The following GLRA3 variants were observed in gnomAD, a reference collection of about 807,000 sequenced individuals.
GLRA3 encodes glycine receptor subunit alpha-3.
In GLRA3, 44 loss-of-function variants were observed where a neutral mutation model predicts 60.4. The observed-to-expected ratio is 0.73, with a 90% CI of 0.57 to 0.94. The LOEUF (loss-of-function observed/expected upper bound fraction) is 0.94. GLRA3 is among the 40% of genes least tolerant of loss of function. The pLI, the probability that GLRA3 is intolerant of heterozygous loss-of-function variation, is 0.00. For synonymous variants in GLRA3, 223 were observed against 192.9 expected, an observed-to-expected ratio of 1.16 and a Z score of -1.29; for missense variants, 508 against 564.6, an observed-to-expected ratio of 0.90 and a Z score of 1.02.
chr4:174,662,830 T>C (rs1363961654), intron 7 of GLRA3, among the ~76,000 whole-genome samples: 2 of 133,598 alleles, frequency 1.5e-5, no homozygotes, highest in African/African-American at 5.1e-5. Context: ...CTTGTTTTTT[T>C]TTTTTTCTTT....
chr4:174,714,740 T>C (rs903651770), intron 5 of GLRA3, among the ~76,000 whole-genome samples: 3 of 152,220 alleles, frequency 2.0e-5, no homozygotes, highest in Admixed American at 2.0e-4. Context: ...TATTGCATAT[T>C]GCTTAATTTT....
rs72998791 is a variant in GLRA3, at chr4:174,665,446, T to C, written c.928-6249A>G. Among the ~76,000 whole-genome samples the C allele has an allele frequency of 1.8e-3, 280 of 152,190 alleles. 3 individuals carry two copies. Among genetic ancestry groups the C allele is most frequent in the African/African-American group, 6.4e-3 (266 of 41,536 alleles). On this transcript the variant is annotated intron_variant, in intron 7 of 9. Transcript: ENST00000274093. ...ACAATAATTATATTTATTTTTGTGG[T>C]AGATCCTGTAAGATGTCTGCTGGCT...
chr4:174,817,965 T>C (rs1013186270), intron 1 of GLRA3, among the ~76,000 whole-genome samples: 9 of 152,204 alleles, frequency 5.9e-5, no homozygotes, highest in Non-Finnish European at 2.9e-5. Context: ...GTATATATTT[T>C]CTGCTAAAGA....
At chr4:174,723,908 A>G (rs1736220361) in intron 4 of GLRA3, among the ~76,000 whole-genome samples, 2 of 151,936 alleles carry the variant, frequency 1.3e-5, no homozygotes, top group South Asian at 4.1e-4. Context: ...AATTACATAT[A>G]GCAAAATGTA....
At chr4:174,661,433 T>C (rs1035239807) in intron 7 of GLRA3, among the ~76,000 whole-genome samples, 1 of 152,188 alleles carries the variant, frequency 6.6e-6, no homozygotes, top group African/African-American at 2.4e-5. Flanking sequence ...CTGCCAACCA[T>C]ATTTTCAGCC....
At chr4:174,729,919 G>A (rs1165103028) in intron 3 of GLRA3, among the ~76,000 whole-genome samples, 1 of 152,114 alleles carries the variant, frequency 6.6e-6, no homozygotes, top group Non-Finnish European at 1.5e-5. Context: ...TATCAGAACA[G>A]GTAGATTGCT....
At chr4:174,671,830 T>C (rs1228826303) in intron 7 of GLRA3, among the ~76,000 whole-genome samples, 1 of 152,014 alleles carries the variant, frequency 6.6e-6, no homozygotes, top group African/African-American at 2.4e-5. Context: ...TTGTATTTTT[T>C]AGTAGAGACG....
intron 7 of GLRA3, among the ~76,000 whole-genome samples, chr4:174,666,761 A>ATAT (rs1561042409): frequency 5.3e-4 from 38 of 72,362 alleles, no homozygotes; most frequent in Non-Finnish European, 6.5e-4. Flanking sequence ...TATATATATT[A>ATAT]TATATATATA....
intron 2 of GLRA3, among the ~76,000 whole-genome samples, chr4:174,774,253 T>C (rs6838215): frequency 0.29 from 43,758 of 152,084 alleles, 6,756 homozygotes; most frequent in Non-Finnish European, 0.35. Flanking sequence ...AGTTAAAATA[T>C]GGAAACTTAG....
intron 9 of GLRA3, among the ~76,000 whole-genome samples, chr4:174,645,265 A>G (rs1383378358): frequency 6.6e-6 from 1 of 151,732 alleles, no homozygotes; most frequent in Non-Finnish European, 1.5e-5. Flanking sequence ...TACAAAAATT[A>G]GCTGGGTGTG....
chr4:174,745,588 A>G (rs1343297362), intron 3 of GLRA3, among the ~76,000 whole-genome samples: 1 of 152,180 alleles, frequency 6.6e-6, no homozygotes, highest in Non-Finnish European at 1.5e-5. Context: ...CAAAGATTTT[A>G]TGGCTAAAAC....
Position 174,796,368 on chromosome 4 carries a change from G to T in GLRA3, c.72-7425C>A, listed in dbSNP as rs28472899. On this transcript the variant is annotated intron_variant, in intron 1 of 9. Coordinates refer to ENST00000274093, the MANE Select transcript of GLRA3 (RefSeq NM_006529.4). ...GTATTTTGTTTTTGCAGCCTGAAAGGACTCAAGTACTACTGATGTTTCCTT... is the reference window on the plus strand; with the variant it reads ...GTATTTTGTTTTTGCAGCCTGAAAGTACTCAAGTACTACTGATGTTTCCTT... Among the ~76,000 whole-genome samples, 1,231 of 152,218 alleles carry T rather than the reference G, an allele frequency of 8.1e-3. 17 individuals carry two copies. Among genetic ancestry groups the T allele is most frequent in the African/African-American group, 0.028 (1,158 of 41,520 alleles).
intron 7 of GLRA3, among the ~76,000 whole-genome samples, chr4:174,668,449 TGA>T (rs1733765205): frequency 1.3e-5 from 2 of 152,168 alleles, no homozygotes; most frequent in Admixed American, 1.3e-4. Flanking sequence ...ATGCTATGGT[TGA>T]GAGACCTGCC....
rs113356594 is a variant in GLRA3 at position 174,689,237 on chromosome 4, T to C, written c.575-6298A>G. Among the ~76,000 whole-genome samples, 292 of 152,256 alleles carry C rather than the reference T, an allele frequency of 1.9e-3. 1 individual carries two copies. Among genetic ancestry groups the C allele is most frequent in the African/African-American group, 6.7e-3 (279 of 41,576 alleles). On this transcript the variant is annotated intron_variant, in intron 5 of 9. Transcript: ENST00000274093. ...GAAATAGGAAGACTCATCAAAGGAA[T>C]CAAAGATAAAATTTAGAAAGAAATC...
intron 2 of GLRA3, among the ~76,000 whole-genome samples, chr4:174,784,517 A>G (rs28707489): frequency 0.25 from 38,090 of 150,818 alleles, 5,040 homozygotes; most frequent in Non-Finnish European, 0.3. Flanking sequence ...ACCCCTAATA[A>G]CATCAAAACT....
rs118103750 is a variant in GLRA3 at position 174,693,907 on chromosome 4, C to T, written c.575-10968G>A. Among the ~76,000 whole-genome samples, 39 of 151,976 alleles carry T rather than the reference C, an allele frequency of 2.6e-4. No individual in the cohort carries two copies. The East Asian group carries it at 6.2e-3, about 24-fold the overall frequency. On this transcript the variant is annotated intron_variant, in intron 5 of 9. Transcript: ENST00000274093. ...TATGGAGGAAAATCTACCAAGCAAACGGAAAACAGAAAAAGCAAGGGTTGC... is the reference window on the plus strand; with the variant it reads ...TATGGAGGAAAATCTACCAAGCAAATGGAAAACAGAAAAAGCAAGGGTTGC...
rs1452619312 is a variant in GLRA3, at chr4:174,640,127, A to G, written c.*3659T>C. The G allele has an allele frequency of 1.3e-5, 2 of 152,110 alleles. No homozygotes were observed. The highest frequency in any genetic ancestry group is 2.9e-5 in the Non-Finnish European group (2 of 67,968). The allele number at this position is 152,110 out of a possible 1,614,324, so 9.4% of individuals were successfully genotyped here. A position where few individuals can be genotyped will look rare whatever the true frequency, so the allele number is the denominator to read the frequency against. On this transcript the variant is annotated 3_prime_UTR_variant, in exon 10 of 10. Transcript: ENST00000274093. The stretch of plus-strand genomic sequence containing the variant: ...ATTTTGGGAGTTTATGCTATTATCT[A>G]TGTTGCAAAGAGTGTGGAATCACTT...
intron 1 of GLRA3, among the ~76,000 whole-genome samples, chr4:174,812,965 G>A (rs1448603268): frequency 6.6e-6 from 1 of 152,080 alleles, no homozygotes; most frequent in Non-Finnish European, 1.5e-5. Flanking sequence ...GTGGCAATAA[G>A]AGCACACGCG....
Position 174,659,215 on chromosome 4 carries a change from A to G in GLRA3, c.928-18T>C, listed in dbSNP as rs1733334621. ...TATGAAACCTAGCCAAGAGAGAAAG[A>G]GAAAGCAAGCAAATTCACTTATATT... On this transcript the variant is annotated intron_variant, in intron 7 of 9. Transcript: ENST00000274093. 6 of 1,596,964 alleles carry G rather than the reference A, an allele frequency of 3.8e-6. No homozygotes were observed. Among genetic ancestry groups the G allele is most frequent in the Middle Eastern group, 1.7e-4 (1 of 6,038 alleles).
Sources: allele counts gnomAD v4.1 joint callset (sites outside exome capture counted in the v4.1 genomes callset), GRCh38; gene constraint gnomAD v4.1.1; transcripts MANE v1.5; gene names NCBI Gene and HGNC (gene_info 2026-07-23, HGNC 2026-07-21).